Variants in SPINK6 observed in about 807,000 individuals in gnomAD.
SPINK6 encodes the protein serine peptidase inhibitor Kazal type 6.
SPINK6 carries 13 observed loss-of-function variants against 11.7 expected under a neutral mutation model. The ratio of observed to expected loss-of-function variants is 1.11; its 90% CI spans 0.72 to 1.76. The LOEUF is 1.76. SPINK6 is among the 40% of genes most tolerant of loss of function. The pLI, the probability that SPINK6 is intolerant of heterozygous loss-of-function variation, is 0.00. For missense variants in SPINK6, 98 were observed against 93.7 expected (o/e 1.05, Z -0.19); for synonymous variants, 21 against 31.9 (o/e 0.66, Z 1.15).
chr5:148,212,609 T>C (rs1472559443), intron 2 of SPINK6, among the ~76,000 whole-genome samples: 1 of 107,112 alleles, frequency 9.3e-6, no homozygotes, highest in East Asian at 2.2e-4. Flanking sequence ...ATATATAATA[T>C]ATATTTATAT....
At chr5:148,203,028 TG>T, upstream of SPINK6, 1 of 1,343,132 alleles carries the variant, frequency 7.4e-7, no homozygotes, top group Non-Finnish European at 1.0e-6. Flanking sequence ...TAGGGCTTTC[TG>T]GGAATTGTCT....
intron 2 of SPINK6, among the ~76,000 whole-genome samples, chr5:148,212,691 C>A (rs867508136): frequency 9.3e-6 from 1 of 106,960 alleles, no homozygotes; most frequent in Non-Finnish European, 1.7e-5. Context: ...TTTATATAAA[C>A]TATATATTTA....
chr5:148,209,997 C>CACGCACGTAT (rs1561732192), intron 2 of SPINK6, among the ~76,000 whole-genome samples: 2 of 145,890 alleles, frequency 1.4e-5, no homozygotes, highest in African/African-American at 2.5e-5. Flanking sequence ...TACATATACA[C>CACGCACGTAT]GTATGTATAC....
Position 148,206,061 on chromosome 5 carries a change from C to A in SPINK6, c.81+3C>A. On this transcript the variant is annotated splice_donor_region_variant and intron_variant, in intron 2 of 3. Transcript: ENST00000325630. ...GTGTCTTCAGTCAGGGAGGACAGGTCAGTGCCTATTTTTATCTCTGCTTTC... is the reference window on the plus strand; with the variant it reads ...GTGTCTTCAGTCAGGGAGGACAGGTAAGTGCCTATTTTTATCTCTGCTTTC... The A allele has an allele frequency of 1.9e-6, 3 of 1,613,942 alleles. No individual in the cohort carries two copies. The highest frequency in any genetic ancestry group is 2.5e-6 in the Non-Finnish European group (3 of 1,179,906).
intron 2 of SPINK6, among the ~76,000 whole-genome samples, chr5:148,210,517 T>TA (rs1307318161): frequency 6.6e-6 from 1 of 151,320 alleles, no homozygotes; most frequent in Non-Finnish European, 1.5e-5. Flanking sequence ...CATTGAGAGT[T>TA]AGAGTTTGAG....
chr5:148,211,019 G>A (rs1055051600), intron 2 of SPINK6, among the ~76,000 whole-genome samples: 4 of 152,012 alleles, frequency 2.6e-5, no homozygotes, highest in African/African-American at 9.7e-5. Context: ...AATTTTCATT[G>A]GTTTTATCTG....
At chr5:148,212,591 TTTATATAATATATAA>T (rs1755619437) in intron 2 of SPINK6, among the ~76,000 whole-genome samples, 1 of 106,944 alleles carries the variant, frequency 9.4e-6, no homozygotes, top group Non-Finnish European at 1.7e-5. Flanking sequence ...ATAAATATAT[TTTATATAATATATAA>T]TATATATTTA....
At chr5:148,209,130 T>G (rs1040633040) in intron 2 of SPINK6, among the ~76,000 whole-genome samples, 1 of 152,230 alleles carries the variant, frequency 6.6e-6, no homozygotes, top group Non-Finnish European at 1.5e-5. Context: ...GTTTTTCATT[T>G]TTCCTAATTA....
intron 2 of SPINK6, among the ~76,000 whole-genome samples, chr5:148,212,143 A>G (rs1035389839): frequency 6.6e-6 from 1 of 152,158 alleles, no homozygotes; most frequent in Non-Finnish European, 1.5e-5. Context: ...AAAAACAGCT[A>G]TAGTTGAAAG....
Position 148,206,069 on chromosome 5 carries a change from A to T in SPINK6, c.81+11A>T. On this transcript the variant is annotated intron_variant, in intron 2 of 3. Transcript: ENST00000325630. Reference sequence around the variant, plus strand: ...AGTCAGGGAGGACAGGTCAGTGCCTATTTTTATCTCTGCTTTCTGCCTGGG... The same window carrying T: ...AGTCAGGGAGGACAGGTCAGTGCCTTTTTTTATCTCTGCTTTCTGCCTGGG... 1 of 1,613,926 alleles carries T rather than the reference A, an allele frequency of 6.2e-7. No individual in the cohort carries two copies. The highest frequency in any genetic ancestry group is 8.5e-7 in the Non-Finnish European group (1 of 1,179,898).
chr5:148,209,997 C>CACGGACGTAT (rs1561732192), intron 2 of SPINK6, among the ~76,000 whole-genome samples: 1 of 145,892 alleles, frequency 6.9e-6, no homozygotes. Flanking sequence ...TACATATACA[C>CACGGACGTAT]GTATGTATAC....
At chr5:148,206,254 A>G (rs1581140270) in intron 2 of SPINK6, among the ~76,000 whole-genome samples, 196 bp downstream of exon 2, 1 of 152,112 alleles carries the variant, frequency 6.6e-6, no homozygotes, top group African/African-American at 2.4e-5. Context: ...CATTCTCATA[A>G]TTTTTTAGGG....
intron 2 of SPINK6, among the ~76,000 whole-genome samples, chr5:148,208,157 T>C (rs918169438): frequency 1.3e-5 from 2 of 152,204 alleles, no homozygotes; most frequent in African/African-American, 4.8e-5. Context: ...TCATTGCCTT[T>C]GTTTCCACAT....
At chr5:148,206,096 G>C in intron 2 of SPINK6, 38 bp downstream of exon 2, 3 of 1,613,068 alleles carry the variant, frequency 1.9e-6, no homozygotes, top group Non-Finnish European at 2.5e-6. Context: ...CTGCCTGGGT[G>C]GTGCTTGGCT....
At chr5:148,206,079 C>T (rs1255950743) in intron 2 of SPINK6, 21 bp downstream of exon 2, 1 of 1,613,746 alleles carries the variant, frequency 6.2e-7, no homozygotes, top group African/African-American at 1.3e-5. Flanking sequence ...ATTTTTATCT[C>T]TGCTTTCTGC....
chr5:148,209,376 C>T (rs77892227), intron 2 of SPINK6, among the ~76,000 whole-genome samples: 216 of 152,118 alleles, frequency 1.4e-3, no homozygotes, highest in African/African-American at 5.1e-3. Context: ...CAATAGAGGG[C>T]CATTGTGTAG....
At chr5:148,205,940 T>C in intron 1 of SPINK6, 96 bp from the exon 2 acceptor site, 1 of 1,260,784 alleles carries the variant, frequency 7.9e-7, no homozygotes, top group South Asian at 1.2e-5. Context: ...GATAGCCAAG[T>C]ACCAGGAGTA....
At chr5:148,205,777 A>AT (rs1417398085) in intron 1 of SPINK6, among the ~76,000 whole-genome samples, 1 of 151,250 alleles carries the variant, frequency 6.6e-6, no homozygotes, top group African/African-American at 2.4e-5. Context: ...TCCTTAATCC[A>AT]TTTTTTTTCT....
chr5:148,210,279 CATACATATATAT>C (rs1561732654), intron 2 of SPINK6, among the ~76,000 whole-genome samples: 2 of 27,904 alleles, frequency 7.2e-5, no homozygotes, highest in East Asian at 1.3e-3. Context: ...TGTGTTTCTG[CATACATATATAT>C]GTATGTTTCT....
Sources: gnomAD v4.1 joint callset for allele counts (sites outside exome capture counted in the v4.1 genomes callset) on GRCh38, gnomAD v4.1.1 for gene constraint, MANE v1.5 for transcripts, NCBI Gene and HGNC (gene_info 2026-07-23, HGNC 2026-07-21) for gene names.